Variants in COL25A1 observed in about 807,000 individuals in gnomAD.
COL25A1 encodes collagen alpha-1(XXV) chain.
Under a neutral mutation model 128.4 loss-of-function variants are expected in COL25A1, and 103 were observed. The ratio of observed to expected loss-of-function variants is 0.80; its 90% CI spans 0.68 to 0.94. The LOEUF (loss-of-function observed/expected upper bound fraction) is 0.94. Among genes scored for constraint, COL25A1 ranks in the 40% least tolerant of loss-of-function variants. The pLI is 0.00. For missense variants in COL25A1, 745 were observed against 840.0 expected (o/e 0.89, Z 1.40); for synonymous variants, 279 against 277.2 (o/e 1.01, Z -0.06).
intron 5 of COL25A1, among the ~76,000 whole-genome samples, chr4:109,034,098 A>T (rs888929690): frequency 7.2e-5 from 11 of 152,160 alleles, no homozygotes; most frequent in Non-Finnish European, 1.3e-4. Flanking sequence ...CCTTAACCAC[A>T]CAAATATTTA....
At chr4:109,078,367 T>A (rs1464732522) in intron 3 of COL25A1, among the ~76,000 whole-genome samples, 1 of 152,210 alleles carries the variant, frequency 6.6e-6, no homozygotes, top group East Asian at 1.9e-4. Flanking sequence ...GTACTTTATA[T>A]AATTTTTGAG....
intron 31 of COL25A1, chr4:108,838,221 T>C: frequency 7.4e-7 from 1 of 1,355,142 alleles, no homozygotes; most frequent in Non-Finnish European, 1.0e-6. Flanking sequence ...CTATTATGGG[T>C]GTTTAAACTG....
chr4:108,883,672 T>C (rs921928178), intron 19 of COL25A1, among the ~76,000 whole-genome samples: 1 of 152,146 alleles, frequency 6.6e-6, no homozygotes, highest in African/African-American at 2.4e-5. Flanking sequence ...GGACAGTGTA[T>C]GTGTTGGGTC....
chr4:109,110,960 T>A lies in COL25A1; in HGVS notation c.368-60781A>T, dbSNP rs145238810. On this transcript the variant is annotated intron_variant, in intron 3 of 37. Coordinates refer to ENST00000399132, the MANE Select transcript of COL25A1 (RefSeq NM_198721.4). ...TCCTGAAATTTTCCTCCAAAGAAGT[T>A]CCAGAGTGATCTAAAATTCAAAGCT... Among the ~76,000 whole-genome samples, 69 of 152,308 alleles carry A rather than the reference T, an allele frequency of 4.5e-4. No homozygotes were observed. In the East Asian group the frequency reaches 0.013, roughly 29 times the overall value.
chr4:109,023,610 T>C (rs1311960557), intron 5 of COL25A1, among the ~76,000 whole-genome samples: 3 of 152,194 alleles, frequency 2.0e-5, no homozygotes, highest in Non-Finnish European at 4.4e-5. Flanking sequence ...GCAGAAGTTA[T>C]GTCCAAGGCA....
At chr4:109,138,864 C>T (rs999521574) in intron 3 of COL25A1, among the ~76,000 whole-genome samples, 21 of 152,170 alleles carry the variant, frequency 1.4e-4, no homozygotes, top group Admixed American at 4.6e-4. Context: ...CCCACCACCA[C>T]GCCTGGCTAA....
chr4:109,057,063 T>C (rs1761511233), intron 3 of COL25A1, among the ~76,000 whole-genome samples: 1 of 152,194 alleles, frequency 6.6e-6, no homozygotes, highest in Non-Finnish European at 1.5e-5. Flanking sequence ...TCTCACTGTG[T>C]TGCCCAGGCT....
intron 31 of COL25A1, among the ~76,000 whole-genome samples, chr4:108,841,244 A>G (rs1001412384): frequency 3.9e-5 from 6 of 152,170 alleles, no homozygotes; most frequent in Non-Finnish European, 7.3e-5. Flanking sequence ...TTCTAGACCA[A>G]TGACCTCTGG....
chr4:108,928,695 A>T (rs1746376779), intron 11 of COL25A1, among the ~76,000 whole-genome samples: 1 of 152,058 alleles, frequency 6.6e-6, no homozygotes, highest in Non-Finnish European at 1.5e-5. Flanking sequence ...CGCATGAGCC[A>T]CCAAGACTAA....
Position 109,302,157 on chromosome 4 carries a change from G to T in COL25A1, c.-57+12C>A. The T allele has an allele frequency of 8.7e-7, 1 of 1,148,846 alleles. No individual in the cohort carries two copies. The highest frequency in any genetic ancestry group is 1.2e-6 in the Non-Finnish European group (1 of 839,632). The allele number at this position is 1,148,846 out of a possible 1,614,324, so 71.2% of individuals were successfully genotyped here. A position where few individuals can be genotyped will look rare whatever the true frequency, so the allele number is the denominator to read the frequency against. ...CTAGTTGGTGGAGTCAAGCCCACGA[G>T]CGGATACGGACCCCTGCCTTGCTCA... On this transcript the variant is annotated intron_variant, in intron 1 of 37. Coordinates refer to ENST00000399132, the MANE Select transcript of COL25A1 (RefSeq NM_198721.4).
At chr4:109,045,941 AT>A (rs1176181262) in intron 5 of COL25A1, among the ~76,000 whole-genome samples, 1 of 152,138 alleles carries the variant, frequency 6.6e-6, no homozygotes, top group African/African-American at 2.4e-5. Context: ...ATTTTATGTG[AT>A]TATTTTAATC....
chr4:109,101,943 A>G (rs1008826680), intron 3 of COL25A1, among the ~76,000 whole-genome samples: 31 of 152,176 alleles, frequency 2.0e-4, no homozygotes, highest in Admixed American at 5.2e-4. Context: ...CCCACTACAC[A>G]TTATCCAGAC....
At chr4:108,906,890 G>A (rs971713986) in intron 13 of COL25A1, among the ~76,000 whole-genome samples, 2 of 152,150 alleles carry the variant, frequency 1.3e-5, no homozygotes, top group Admixed American at 6.5e-5. Context: ...AGAATCAAAT[G>A]CATTAAGCCT....
chr4:109,099,285 C>T (rs879836744), intron 3 of COL25A1, among the ~76,000 whole-genome samples: 5 of 152,164 alleles, frequency 3.3e-5, no homozygotes, highest in Non-Finnish European at 7.4e-5. Flanking sequence ...GAGAAATCTA[C>T]ACCAACATAA....
At chr4:109,220,394 A>G (rs1041031851) in intron 3 of COL25A1, among the ~76,000 whole-genome samples, 15 of 152,304 alleles carry the variant, frequency 9.8e-5, no homozygotes, top group Non-Finnish European at 1.3e-4. Flanking sequence ...TACATGGCAG[A>G]ATTTTATGAA....
At chr4:109,070,973 G>C (rs1429684040) in intron 3 of COL25A1, among the ~76,000 whole-genome samples, 1 of 151,970 alleles carries the variant, frequency 6.6e-6, no homozygotes, top group Non-Finnish European at 1.5e-5. Context: ...CTTTGAAAAA[G>C]AGCCCGCATT....
chr4:109,268,253 TC>T (rs1204725334), intron 3 of COL25A1, among the ~76,000 whole-genome samples: 4 of 152,234 alleles, frequency 2.6e-5, no homozygotes, highest in Non-Finnish European at 5.9e-5. Flanking sequence ...TTTTCCTTTT[TC>T]TTTGTTTTGC....
rs114634547 is a variant in COL25A1 at position 109,113,751 on chromosome 4, C to T, written c.368-63572G>A. 5.4e-3 allele frequency among the ~76,000 whole-genome samples: 820 copies of T among 152,074 alleles called. 11 individuals carry two copies. Among genetic ancestry groups the T allele is most frequent in the African/African-American group, 0.018 (742 of 41,506 alleles). ...GCATTTCATGAGCACTACATATTTTCGTAAGCATTTCCATACGCAGCTGAA... is the reference window on the plus strand; with the variant it reads ...GCATTTCATGAGCACTACATATTTTTGTAAGCATTTCCATACGCAGCTGAA... On this transcript the variant is annotated intron_variant, in intron 3 of 37. Transcript: ENST00000399132.
At chr4:108,942,333 G>C (rs186878422) in intron 8 of COL25A1, 49 of 1,446,200 alleles carry the variant, frequency 3.4e-5, no homozygotes, top group Non-Finnish European at 4.3e-5. Context: ...TTCACTAGGG[G>C]ACAAACAAAA....
Sources: allele counts gnomAD v4.1 joint callset (sites outside exome capture counted in the v4.1 genomes callset), GRCh38; gene constraint gnomAD v4.1.1; transcripts MANE v1.5; gene names NCBI Gene and HGNC (gene_info 2026-07-23, HGNC 2026-07-21).